Variants in STX16 observed in about 807,000 individuals in gnomAD.
STX16 encodes the protein syntaxin 16, also known as syntaxin-16.
STX16 carries 28 observed loss-of-function variants against 42.7 expected under a neutral mutation model. That is an observed-to-expected ratio of 0.66 (90% CI 0.49 to 0.90). STX16 has a LOEUF of 0.90. STX16 is among the 40% of genes least tolerant of loss of function. The pLI is 0.00. For missense variants in STX16, 361 were observed against 420.9 expected (o/e 0.86, Z 1.24); for synonymous variants, 156 against 155.2 (o/e 1.00, Z -0.04).
intron 1 of STX16, among the ~76,000 whole-genome samples, chr20:58,658,996 C>G (rs899971581): frequency 6.6e-6 from 1 of 152,122 alleles, no homozygotes; most frequent in South Asian, 2.1e-4. Flanking sequence ...TGTCTCTCTC[C>G]GGGAAAGAGT....
rs1448873292 is a variant in STX16, at chr20:58,671,477, TTA to T, written c.792+181_792+182del. 6.1e-5 allele frequency among the ~76,000 whole-genome samples: 9 copies of T among 147,856 alleles called. No individual in the cohort carries two copies. The South Asian group carries it at 1.3e-3, about 21-fold the overall frequency. On this transcript the variant is annotated intron_variant, in intron 7 of 8. Transcript: ENST00000371141. Reference sequence around the variant, plus strand: ...GTGTGTGTGTGTGTGTGTGTGTATATTAATATTAATCAAATATTAAATTTGAT... The same window carrying T: ...GTGTGTGTGTGTGTGTGTGTGTATATATATTAATCAAATATTAAATTTGAT...
chr20:58,652,327 G>A (rs746594130), intron 1 of STX16, 189 bp downstream of exon 1: 3 of 799,740 alleles, frequency 3.8e-6, no homozygotes, highest in South Asian at 1.4e-5. Flanking sequence ...GTGCTGTGAG[G>A]CCGCAGCTCC....
In STX16 at chr20:58,676,196, T is replaced by C; in HGVS notation, c.883T>C (p.Tyr295His). The C allele has an allele frequency of 6.2e-7, 1 of 1,613,990 alleles. No individual in the cohort carries two copies. The highest frequency in any genetic ancestry group is 8.5e-7 in the Non-Finnish European group (1 of 1,179,824). ...GLKQLHKAEQ[Y>H]QKKNRKMLVI... is the part of the protein sequence containing the mutation. ...CCTCCTCTTTTTGTAGGCAGAACAGTATCAAAAGAAGAATCGGAAGATGCT... is the reference window on the plus strand; with the variant it reads ...CCTCCTCTTTTTGTAGGCAGAACAGCATCAAAAGAAGAATCGGAAGATGCT... Residue 295 changes from tyrosine (Y) to histidine (H), a missense_variant, in exon 9 of 9, where the codon TAT becomes CAT. Coordinates refer to ENST00000371141, the MANE Select transcript of STX16 (RefSeq NM_001001433.3).
intron 2 of STX16, among the ~76,000 whole-genome samples, chr20:58,664,180 C>A (rs1307467562): frequency 6.6e-6 from 1 of 152,196 alleles, no homozygotes; most frequent in Non-Finnish European, 1.5e-5. Flanking sequence ...TAAAAGGGTG[C>A]TTATGTTGCA....
chr20:58,652,394 C>T (rs571883094), intron 1 of STX16: 3 of 590,890 alleles, frequency 5.1e-6, no homozygotes, highest in South Asian at 3.1e-5. Context: ...CACCCCCCGC[C>T]TTGGCGTCAC....
rs773606375 is a variant in STX16, at chr20:58,676,573, A to G, written c.*282A>G. On this transcript the variant is annotated 3_prime_UTR_variant, in exon 9 of 9. Coordinates refer to ENST00000371141, the MANE Select transcript of STX16 (RefSeq NM_001001433.3). ...ATCAGTTATAATATATATTTTTTTT[A>G]GAAAGAGAAAATGAGCTGAGAGTTT... 9.9e-5 allele frequency: 28 copies of G among 283,618 alleles called. No homozygotes were observed. The highest frequency in any genetic ancestry group is 4.0e-4 in the Admixed American group (8 of 20,134). 17.6% of individuals were successfully genotyped at this position (283,618 alleles called of 1,614,324 possible).
chr20:58,653,047 C>G (rs1600983650), intron 1 of STX16, among the ~76,000 whole-genome samples: 1 of 152,206 alleles, frequency 6.6e-6, no homozygotes, highest in Non-Finnish European at 1.5e-5. Context: ...AGACAGTGAT[C>G]GTTAGCTCTG....
Position 58,659,641 on chromosome 20 carries a change from T to C in STX16, c.144+7T>C. ...TCTTCAGGAGCTGGACGAGGTATTGTGTTTTGAATATTTTTATATGTTGGG... is the reference window on the plus strand; with the variant it reads ...TCTTCAGGAGCTGGACGAGGTATTGCGTTTTGAATATTTTTATATGTTGGG... On this transcript the variant is annotated splice_region_variant and intron_variant, in intron 2 of 8. Coordinates refer to ENST00000371141, the MANE Select transcript of STX16 (RefSeq NM_001001433.3). 6.2e-7 allele frequency: 1 copy of C among 1,612,610 alleles called. No homozygotes were observed. Among genetic ancestry groups the C allele is most frequent in the Non-Finnish European group, 8.5e-7 (1 of 1,179,626 alleles).
At position 58,669,293 on chromosome 20, in the gene STX16, C is replaced by T; in HGVS notation, c.396C>T (p.Leu132=). The change falls in exon 5 of 9, where the codon CTC becomes CTT. Residue 132 remains leucine, a splice_region_variant and synonymous_variant. Coordinates refer to ENST00000371141, the MANE Select transcript of STX16 (RefSeq NM_001001433.3). The stretch of plus-strand genomic sequence containing the variant: ...GAGCCTCGGGCTTGTTCTCTTAGCT[C>T]TTCCACAGGTGCCAGCGTGCCGTGC... The part of the protein sequence containing the change: ...IEITTQEITQ[L]FHRCQRAVQA... The T allele has an allele frequency of 6.2e-7, 1 of 1,610,530 alleles. No homozygotes were observed. Among genetic ancestry groups the T allele is most frequent in the Non-Finnish European group, 8.5e-7 (1 of 1,179,570 alleles).
intron 2 of STX16, among the ~76,000 whole-genome samples, chr20:58,660,589 T>A (rs142782720): frequency 1.3e-5 from 2 of 152,222 alleles, no homozygotes; most frequent in East Asian, 3.9e-4. Flanking sequence ...GTAGCATCTC[T>A]GACCCTCTGT....
At chr20:58,670,658 C>G (rs2083946486) in intron 6 of STX16, 55 bp downstream of exon 6, 1 of 1,407,490 alleles carries the variant, frequency 7.1e-7, no homozygotes, top group African/African-American at 1.4e-5. Flanking sequence ...CATTCTGCAT[C>G]TTTCACCTCC....
chr20:58,673,684 TGAA>T lies in STX16; in HGVS notation c.849_851del (p.Glu283del). ...ACGTTGAACAGTCCTGTATCAAAACTGAAGATGGTTTGAAACAGCTTCACAAGG... is the reference window on the plus strand; with the variant it reads ...ACGTTGAACAGTCCTGTATCAAAACTGATGGTTTGAAACAGCTTCACAAGG... On this transcript the variant is annotated inframe_deletion, in exon 8 of 9. Transcript: ENST00000371141. 1 of 1,613,606 alleles carries T rather than the reference TGAA, an allele frequency of 6.2e-7. No homozygotes were observed. The highest frequency in any genetic ancestry group is 8.5e-7 in the Non-Finnish European group (1 of 1,179,506).
chr20:58,655,037 ACACT>A (rs1477652312), intron 1 of STX16, among the ~76,000 whole-genome samples: 1 of 152,240 alleles, frequency 6.6e-6, no homozygotes, highest in African/African-American at 2.4e-5. Flanking sequence ...TACATGTCTA[ACACT>A]CAGGCAATTT....
chr20:58,669,170 T>C, intron 4 of STX16, 121 bp from the exon 5 acceptor site: 1 of 1,040,106 alleles, frequency 9.6e-7, no homozygotes, highest in Non-Finnish European at 1.4e-6. Context: ...CTGTTCACCT[T>C]TCTCTAAACC....
rs1194945437 is a variant in STX16 at position 58,676,837 on chromosome 20, ATTAAC to A, written c.*551_*555del. The stretch of plus-strand genomic sequence containing the variant: ...TTTAAGAATTTATAATCCGTTCCCC[ATTAAC>A]TTAATTTAGCTTTTCCATCACTGTT... On this transcript the variant is annotated 3_prime_UTR_variant, in exon 9 of 9. Transcript: ENST00000371141. The A allele has an allele frequency of 6.5e-6, 1 of 152,700 alleles. No homozygotes were observed. Among genetic ancestry groups the A allele is most frequent in the African/African-American group, 2.4e-5 (1 of 41,464 alleles). The allele number at this position is 152,700 out of a possible 1,614,324, so 9.5% of individuals were successfully genotyped here.
intron 1 of STX16, among the ~76,000 whole-genome samples, chr20:58,653,159 G>T (rs1804461010): frequency 6.6e-6 from 1 of 152,188 alleles, no homozygotes; most frequent in Non-Finnish European, 1.5e-5. Context: ...GGAACAGGCG[G>T]GAAATAGCCA....
At chr20:58,661,492 G>C (rs2083698182) in intron 2 of STX16, among the ~76,000 whole-genome samples, 1 of 152,268 alleles carries the variant, frequency 6.6e-6, no homozygotes, top group South Asian at 2.1e-4. Flanking sequence ...AGAAATGCAG[G>C]TTGCTGCCTC....
At chr20:58,667,085 TCAC>T in intron 2 of STX16, 1 of 286,518 alleles carries the variant, frequency 3.5e-6, no homozygotes, top group Non-Finnish European at 6.8e-6. Context: ...GTTTTTTTTT[TCAC>T]TTGCAACTGA....
Position 58,678,674 on chromosome 20 carries a change from T to C in STX16, c.*2383T>C, listed in dbSNP as rs985333691. The stretch of plus-strand genomic sequence containing the variant: ...AAAAAAAAATTGTTTTAGCGCTGGG[T>C]TTCCCAAGGTGGGAGAGACAGACCC... On this transcript the variant is annotated 3_prime_UTR_variant, in exon 9 of 9. Coordinates refer to ENST00000371141, the MANE Select transcript of STX16 (RefSeq NM_001001433.3). The C allele has an allele frequency of 2.7e-5, 4 of 150,686 alleles. No individual in the cohort carries two copies. The highest frequency in any genetic ancestry group is 7.3e-5 in the African/African-American group (3 of 40,948). The allele number at this position is 150,686 out of a possible 1,614,324, so 9.3% of individuals were successfully genotyped here. A position where few individuals can be genotyped will look rare whatever the true frequency, so the allele number is the denominator to read the frequency against.
Sources: gnomAD v4.1 joint callset for allele counts (sites outside exome capture counted in the v4.1 genomes callset) on GRCh38, gnomAD v4.1.1 for gene constraint, MANE v1.5 for transcripts, NCBI Gene and HGNC (gene_info 2026-07-23, HGNC 2026-07-21) for gene names.